PCDHGA6: variants seen among roughly 807,000 people sequenced by gnomAD.
PCDHGA6 encodes protocadherin gamma subfamily A, 6.
A neutral mutation model predicts 60.6 loss-of-function variants in PCDHGA6; 41 were observed. The observed-to-expected ratio is 0.68, with a 90% CI of 0.53 to 0.88. The LOEUF is 0.88. Among genes scored for constraint, PCDHGA6 ranks in the 40% least tolerant of loss-of-function variants. The pLI is 0.00. For synonymous variants in PCDHGA6, 594 were observed against 524.4 expected (o/e 1.13, Z -1.81); for missense variants, 1,312 against 1,203.0 (o/e 1.09, Z -1.34).
intron 1 of PCDHGA6, among the ~76,000 whole-genome samples, chr5:141,473,422 A>C (rs2154571673): frequency 6.6e-6 from 1 of 152,332 alleles, no homozygotes; most frequent in African/African-American, 2.4e-5. Context: ...TGGGGGAAGC[A>C]GATACTTTGC....
intron 1 of PCDHGA6, among the ~76,000 whole-genome samples, chr5:141,436,781 A>T (rs1041532929): frequency 6.6e-6 from 1 of 152,236 alleles, no homozygotes; most frequent in Non-Finnish European, 1.5e-5. Context: ...TGTGGATGGA[A>T]ATAAAACTGT....
chr5:141,403,527 C>G lies in PCDHGA6; in HGVS notation c.2424+27020C>G. The G allele has an allele frequency of 3.1e-6, 5 of 1,614,022 alleles. No homozygotes were observed. The South Asian group carries it at 5.5e-5, about 18-fold the overall frequency. The stretch of plus-strand genomic sequence containing the variant: ...ACTGGAGACAATGGAGCCATAAACC[C>G]AGAGCTGGTGCTGGAGCGCGCCCTG... On this transcript the variant is annotated intron_variant, in intron 1 of 3. Coordinates refer to ENST00000517434, the MANE Select transcript of PCDHGA6 (RefSeq NM_018919.3).
chr5:141,508,731 A>C (rs1596169554), intron 3 of PCDHGA6, among the ~76,000 whole-genome samples: 6 of 145,538 alleles, frequency 4.1e-5, no homozygotes, highest in African/African-American at 5.1e-5. Context: ...GGGAGACTAC[A>C]CCCCCCACCC....
intron 2 of PCDHGA6, among the ~76,000 whole-genome samples, chr5:141,501,184 C>T (rs1209222790): frequency 6.6e-6 from 1 of 152,002 alleles, no homozygotes; most frequent in Non-Finnish European, 1.5e-5. Context: ...CATTTTAACA[C>T]AATTAAATTC....
At chr5:141,419,316 G>T in intron 1 of PCDHGA6, 2 of 1,613,994 alleles carry the variant, frequency 1.2e-6, no homozygotes, top group Non-Finnish European at 1.7e-6. Context: ...CTCAACGGCC[G>T]TGTCTCCTAC....
At position 141,476,902 on chromosome 5, in the gene PCDHGA6, C is replaced by T. The variant is rs1399250599; in HGVS notation, c.2425-17905C>T. ...TGGAGGATGCACCCTCCGGCACGCG[C>T]GTGGTACAAGTCCTTGCAACGGATC... On this transcript the variant is annotated intron_variant, in intron 1 of 3. Transcript: ENST00000517434. This position sits in a 1 kb window ranked among gnomAD's most constrained non-coding sequence, Gnocchi z 7.6. 2 of 1,613,998 alleles carry T rather than the reference C, an allele frequency of 1.2e-6. No individual in the cohort carries two copies. The highest frequency in any genetic ancestry group is 1.7e-6 in the Non-Finnish European group (2 of 1,180,034).
intron 1 of PCDHGA6, chr5:141,410,680 G>A: frequency 6.5e-7 from 1 of 1,535,692 alleles, no homozygotes; most frequent in Non-Finnish European, 8.7e-7. Flanking sequence ...TCATATTTTA[G>A]GCATACTACT....
At chr5:141,461,740 G>A (rs770518286) in intron 1 of PCDHGA6, among the ~76,000 whole-genome samples, 4 of 152,072 alleles carry the variant, frequency 2.6e-5, no homozygotes, top group Non-Finnish European at 2.9e-5. Context: ...GCACAATCCC[G>A]GCTCCCAGAT....
intron 1 of PCDHGA6, chr5:141,410,134 C>G (rs573769764): frequency 6.2e-7 from 1 of 1,612,766 alleles, no homozygotes; most frequent in Admixed American, 1.7e-5. Context: ...GCCTGCTGGT[C>G]GCTGTGCGTG....
At chr5:141,426,451 C>A in intron 1 of PCDHGA6, 1 of 308,946 alleles carries the variant, frequency 3.2e-6, no homozygotes, top group South Asian at 3.0e-5. Flanking sequence ...GGACATGCGG[C>A]TGCATGTTCA....
intron 1 of PCDHGA6, chr5:141,402,866 T>A (rs1339290452): frequency 4.2e-6 from 6 of 1,442,196 alleles, no homozygotes; most frequent in Non-Finnish European, 5.5e-6. Context: ...AAGGAAAAGA[T>A]CACCATACTT....
intron 1 of PCDHGA6, chr5:141,382,771 A>G: frequency 1.3e-6 from 1 of 753,180 alleles, no homozygotes; most frequent in Non-Finnish European, 2.1e-6. Flanking sequence ...TCCAGGCTGC[A>G]CTAAACTCAA....
chr5:141,469,676 A>G (rs1227075639), intron 1 of PCDHGA6, among the ~76,000 whole-genome samples: 1 of 152,250 alleles, frequency 6.6e-6, no homozygotes, highest in African/African-American at 2.4e-5. Context: ...ATAAAACTAC[A>G]TATGCATTGG....
intron 1 of PCDHGA6, chr5:141,378,008 G>C (rs1168840541): frequency 6.6e-6 from 1 of 152,090 alleles, no homozygotes; most frequent in Non-Finnish European, 1.5e-5. Context: ...GCTCAAATAA[G>C]CTCTACTTAT....
intron 1 of PCDHGA6, chr5:141,400,296 C>T (rs2093998279): frequency 6.2e-7 from 1 of 1,614,076 alleles, no homozygotes. Context: ...GGAGCTGCTT[C>T]CAACCTGGTC....
intron 1 of PCDHGA6, among the ~76,000 whole-genome samples, chr5:141,465,407 A>G (rs1019401245): frequency 6.6e-6 from 1 of 152,218 alleles, no homozygotes; most frequent in African/African-American, 2.4e-5. Flanking sequence ...AGAAGAAGCC[A>G]AATCAGCACT....
intron 1 of PCDHGA6, among the ~76,000 whole-genome samples, chr5:141,459,386 T>C (rs1283863283): frequency 6.6e-6 from 1 of 152,260 alleles, no homozygotes; most frequent in African/African-American, 2.4e-5. Context: ...GTGTTCCATT[T>C]GATTGTTGAG....
chr5:141,485,661 G>A lies in PCDHGA6; in HGVS notation c.2425-9146G>A. On this transcript the variant is annotated intron_variant, in intron 1 of 3. Transcript: ENST00000517434. This position sits in a 1 kb window ranked among gnomAD's most constrained non-coding sequence, Gnocchi z 5.7. ...GAAAAGGCTCAGGATGCAGATGTGGGGAGCAATTCGATTAGCAGCTATAGG... is the reference window on the plus strand; with the variant it reads ...GAAAAGGCTCAGGATGCAGATGTGGAGAGCAATTCGATTAGCAGCTATAGG... 2 of 1,612,678 alleles carry A rather than the reference G, an allele frequency of 1.2e-6. No individual in the cohort carries two copies. Among genetic ancestry groups the A allele is most frequent in the Non-Finnish European group, 1.7e-6 (2 of 1,178,884 alleles).
chr5:141,417,721 C>A, intron 1 of PCDHGA6: 2 of 1,330,572 alleles, frequency 1.5e-6, no homozygotes, highest in Non-Finnish European at 2.0e-6. Context: ...CCCGGCTGCG[C>A]AGACCTTGCC....
Sources: allele counts gnomAD v4.1 joint callset (sites outside exome capture counted in the v4.1 genomes callset), GRCh38; gene constraint gnomAD v4.1.1; non-coding constraint Gnocchi (gnomAD v3.1); transcripts MANE v1.5; gene names NCBI Gene and HGNC (gene_info 2026-07-23, HGNC 2026-07-21).